The following DOP1A variants were observed in gnomAD, a reference collection of about 807,000 sequenced individuals.
DOP1A encodes protein DOP1A.
A neutral mutation model predicts 267.6 loss-of-function variants in DOP1A; 90 were observed. The ratio of observed to expected loss-of-function variants is 0.34; its 90% CI spans 0.28 to 0.40. The LOEUF is 0.40. DOP1A is among the 10% of genes least tolerant of loss of function. The pLI, the probability that DOP1A is intolerant of heterozygous loss-of-function variation, is 1.00. For synonymous variants in DOP1A, 932 were observed against 999.1 expected, an observed-to-expected ratio of 0.93 and a Z score of 1.27; for missense variants, 2,437 against 2,900.4, an observed-to-expected ratio of 0.84 and a Z score of 3.67.
intron 30 of DOP1A, among the ~76,000 whole-genome samples, chr6:83,152,583 C>G (rs1345928119): frequency 6.6e-6 from 1 of 151,210 alleles, no homozygotes; most frequent in Non-Finnish European, 1.5e-5. Flanking sequence ...CTTCCCTTCT[C>G]CATGTCCTAT....
rs545582966 is a variant in DOP1A at position 83,105,396 on chromosome 6, G to A, written c.321-3514G>A. Among the ~76,000 whole-genome samples, 90 of 106,154 alleles carry A rather than the reference G, an allele frequency of 8.5e-4. 2 individuals are homozygous for A. In the South Asian group the frequency reaches 0.025, roughly 29 times the overall value. The allele number at this position is 106,154 out of a possible 152,430, so 69.6% of individuals were successfully genotyped here. A position where few individuals can be genotyped will look rare whatever the true frequency, so the allele number is the denominator to read the frequency against. ...TTTTTTTTTTTTTTGAGACAGTCTC[G>A]CTCTGTCACCCAAGGTGGAGTGCAG... On this transcript the variant is annotated intron_variant, in intron 4 of 38. Transcript: ENST00000349129.
chr6:83,145,108 A>C (rs1229181187), intron 24 of DOP1A, among the ~76,000 whole-genome samples: 3 of 105,090 alleles, frequency 2.9e-5, no homozygotes, highest in Non-Finnish European at 5.5e-5. Flanking sequence ...ATCTCAAAAA[A>C]TATATACATA....
intron 24 of DOP1A, among the ~76,000 whole-genome samples, chr6:83,142,498 ACT>A (rs1374065761): frequency 6.6e-6 from 1 of 152,030 alleles, no homozygotes; most frequent in Non-Finnish European, 1.5e-5. Context: ...ACAGAGCAAG[ACT>A]CTTCCTCAAA....
chr6:83,137,646 C>A lies in DOP1A; in HGVS notation c.3604C>A (p.Gln1202Lys). Residue 1202 changes from glutamine to lysine, a missense_variant, in exon 21 of 39, where the codon CAA (glutamine) becomes AAA (lysine). By Grantham distance (53) the Gln-to-Lys change is moderately conservative. Around this residue, in one of 9 missense-constraint regions of DOP1A, gnomAD observed 878 missense variants for 992.9 expected, o/e 0.88. Transcript: ENST00000349129. The part of the protein sequence containing the change: ...ETIKIEDDSI[Q>K]QSQNALLSNE... ...GATTAAAATTGAAGATGACTCCATT[C>A]AACAGAGTCAGAATGCTTTGCTGAG... The A allele has an allele frequency of 1.9e-6, 3 of 1,613,786 alleles. No homozygotes were observed. In the African/African-American group the frequency reaches 4.0e-5, roughly 22 times the overall value.
At chr6:83,134,420 G>A in intron 19 of DOP1A, 133 bp downstream of exon 19, 1 of 685,152 alleles carries the variant, frequency 1.5e-6, no homozygotes, top group African/African-American at 1.9e-5. Flanking sequence ...TTATTATTTT[G>A]AAAACCGTAA....
chr6:83,164,783 C>A, intron 38 of DOP1A: 1 of 1,378,222 alleles, frequency 7.3e-7, no homozygotes. Flanking sequence ...GAGACACAAA[C>A]CCAGGTCTGA....
At chr6:83,133,889 T>A (rs1778467758) in intron 18 of DOP1A, among the ~76,000 whole-genome samples, 1 of 152,024 alleles carries the variant, frequency 6.6e-6, no homozygotes, top group Non-Finnish European at 1.5e-5. Context: ...ATTAGTAACT[T>A]TTTTCTCCTG....
At chr6:83,125,775 T>G (rs1299694642) in intron 15 of DOP1A, 42 bp downstream of exon 15, 23 of 1,507,760 alleles carry the variant, frequency 1.5e-5, no homozygotes, top group African/African-American at 2.8e-5. Context: ...TGTTCATATT[T>G]CTTCAAAGCA....
chr6:83,130,207 T>G lies in DOP1A; in HGVS notation c.2426T>G (p.Val809Gly), dbSNP rs1265758276. 1 of 1,614,004 alleles carries G rather than the reference T, an allele frequency of 6.2e-7. No homozygotes were observed. The highest frequency in any genetic ancestry group is 8.5e-7 in the Non-Finnish European group (1 of 1,180,006). The part of the protein sequence containing the change: ...SQASDFSVQS[V>G]AISLVMDLVG... ...GCAAGTGATTTCAGTGTTCAGAGTG[T>G]TGCTATTTCACTAGTTATGGACCTG... The change falls in exon 17 of 39, where the codon GTT becomes GGT. Residue 809 changes from valine (V) to glycine (G), a missense_variant. Around this residue, in one of 9 missense-constraint regions of DOP1A, gnomAD observed 878 missense variants for 992.9 expected, o/e 0.88. Coordinates refer to ENST00000349129, the MANE Select transcript of DOP1A (RefSeq NM_015018.4).
Position 83,138,435 on chromosome 6 carries a change from C to T in DOP1A, c.4393C>T (p.Arg1465Cys), listed in dbSNP as rs202092178. 218 of 1,611,970 alleles carry T rather than the reference C, an allele frequency of 1.4e-4. No individual in the cohort carries two copies. Among genetic ancestry groups the T allele is most frequent in the Admixed American group, 5.0e-5 (3 of 59,968 alleles). Residue 1465 changes from arginine to cysteine, a missense_variant, in exon 21 of 39, where the codon CGT becomes TGT. Around this residue, in one of 9 missense-constraint regions of DOP1A, gnomAD observed 878 missense variants for 992.9 expected, o/e 0.88. Transcript: ENST00000349129. Reference sequence around the variant, plus strand: ...TATTTCTCTCTGCTTATATTACATGCGTAGCCATTACCCAACTCATGTCAA... The same window carrying T: ...TATTTCTCTCTGCTTATATTACATGTGTAGCCATTACCCAACTCATGTCAA... ...ILISLCLYYMRSHYPTHVKVT... is the reference protein window; with the variant it reads ...ILISLCLYYMCSHYPTHVKVT...
In DOP1A at chr6:83,113,206, AATT is replaced by A. The variant is rs1774859375; in HGVS notation, c.682-113_682-111del. ...TATTCAAAATAATGTAAATATCTTTAATTATTGATTAGATCCTCAGAAGCATAC... is the reference window on the plus strand; with the variant it reads ...TATTCAAAATAATGTAAATATCTTTAATTGATTAGATCCTCAGAAGCATAC... On this transcript the variant is annotated intron_variant, in intron 6 of 38. Transcript: ENST00000349129. 1.5e-4 allele frequency: 96 copies of A among 644,278 alleles called. No homozygotes were observed. The East Asian group carries it at 2.6e-3, about 18-fold the overall frequency. The allele number at this position is 644,278 out of a possible 1,614,324, so 39.9% of individuals were successfully genotyped here. A position where few individuals can be genotyped will look rare whatever the true frequency, so the allele number is the denominator to read the frequency against.
Position 83,140,262 on chromosome 6 carries a change from C to A in DOP1A, c.5274C>A (p.Arg1758=). The A allele has an allele frequency of 6.2e-7, 1 of 1,613,324 alleles. No individual in the cohort carries two copies. The highest frequency in any genetic ancestry group is 1.1e-5 in the South Asian group (1 of 91,020). ...ACCAGAAACACTTGTTTGAAGCACGCAGTGGAATCCTCTCAATCCTTCATA... is the reference window on the plus strand; with the variant it reads ...ACCAGAAACACTTGTTTGAAGCACGAAGTGGAATCCTCTCAATCCTTCATA... ...SVDQKHLFEA[R]SGILSILHMI... is the part of the protein sequence containing the mutation. The change falls in exon 23 of 39, where the codon CGC becomes CGA. Residue 1758 remains arginine, a synonymous_variant. Transcript: ENST00000349129.
rs138779958 is a variant in DOP1A at position 83,119,208 on chromosome 6, C to T, written c.880+221C>T. Among the ~76,000 whole-genome samples the T allele has an allele frequency of 6.2e-3, 951 of 152,244 alleles. 10 individuals are homozygous for T. Among genetic ancestry groups the T allele is most frequent in the African/African-American group, 0.022 (905 of 41,552 alleles). ...ATTTGAATTCATAAAGTCATGTTCC[C>T]TTGTCCTTAACAAGATGTTTTTCCC... On this transcript the variant is annotated intron_variant, in intron 8 of 38. Coordinates refer to ENST00000349129, the MANE Select transcript of DOP1A (RefSeq NM_015018.4).
chr6:83,154,109 C>G, intron 32 of DOP1A, 66 bp downstream of exon 32: 1 of 1,610,938 alleles, frequency 6.2e-7, no homozygotes, highest in Non-Finnish European at 8.5e-7. Context: ...CAGCTACTCC[C>G]CTGGAAAGTT....
At chr6:83,074,831 A>T (rs141047138) in intron 1 of DOP1A, among the ~76,000 whole-genome samples, 2 of 152,352 alleles carry the variant, frequency 1.3e-5, no homozygotes, top group Non-Finnish European at 2.9e-5. Context: ...AACACTTTGG[A>T]AGGCCAAGGC....
At chr6:83,150,045 A>G (rs1462329704) in intron 27 of DOP1A, among the ~76,000 whole-genome samples, 3 of 152,192 alleles carry the variant, frequency 2.0e-5, no homozygotes, top group Non-Finnish European at 2.9e-5. Context: ...AGTGTGGGAA[A>G]GTAAGTGTTG....
At chr6:83,126,536 T>C (rs1777189121) in intron 15 of DOP1A, among the ~76,000 whole-genome samples, 1 of 152,134 alleles carries the variant, frequency 6.6e-6, no homozygotes, top group South Asian at 2.1e-4. Context: ...AAAGATATTA[T>C]ACAAGTAAGT....
intron 1 of DOP1A, among the ~76,000 whole-genome samples, chr6:83,078,377 A>G (rs976303910): frequency 6.6e-5 from 10 of 152,184 alleles, no homozygotes; most frequent in Non-Finnish European, 1.0e-4. Flanking sequence ...TCCAGCAGGG[A>G]ACATGCTCCA....
intron 4 of DOP1A, among the ~76,000 whole-genome samples, chr6:83,107,950 A>G (rs954981589): frequency 1.3e-5 from 2 of 152,342 alleles, no homozygotes; most frequent in African/African-American, 4.8e-5. Context: ...TTCTTAAAAG[A>G]TGTTAAAGTC....
Sources: allele counts gnomAD v4.1 joint callset (sites outside exome capture counted in the v4.1 genomes callset), GRCh38; gene constraint gnomAD v4.1.1; regional missense constraint gnomAD v4.1.1; transcripts MANE v1.5; gene names NCBI Gene and HGNC (gene_info 2026-07-23, HGNC 2026-07-21).